SLIT1: variants seen among roughly 807,000 people sequenced by gnomAD.
SLIT1 encodes the protein slit homolog 1 protein.
A neutral mutation model predicts 186.1 loss-of-function variants in SLIT1; 66 were observed. The ratio of observed to expected loss-of-function variants is 0.35; its 90% CI spans 0.29 to 0.44. The LOEUF (loss-of-function observed/expected upper bound fraction) is 0.44, where lower values mean the gene tolerates loss of function less well. Ranked by LOEUF, SLIT1 falls within the 20% of genes least tolerant of loss-of-function variation. The pLI is 1.00. For missense variants in SLIT1, 1,638 were observed against 2,037.4 expected, an observed-to-expected ratio of 0.80 and a Z score of 3.77; for synonymous variants, 761 against 833.8, an observed-to-expected ratio of 0.91 and a Z score of 1.50.
At chr10:97,071,850 A>G (rs901225132) in intron 4 of SLIT1, among the ~76,000 whole-genome samples, 22 of 152,390 alleles carry the variant, frequency 1.4e-4, no homozygotes, top group African/African-American at 5.0e-4. Context: ...AGCCTAATCA[A>G]TAACACTAGA....
At chr10:97,162,538 G>T (rs558370434) in intron 3 of SLIT1, among the ~76,000 whole-genome samples, 11 of 152,120 alleles carry the variant, frequency 7.2e-5, no homozygotes, top group African/African-American at 2.7e-4. Context: ...GCTTGAACCC[G>T]GGAGGTGGAG....
At chr10:97,105,638 G>A (rs961767448) in intron 4 of SLIT1, among the ~76,000 whole-genome samples, 1 of 152,236 alleles carries the variant, frequency 6.6e-6, no homozygotes, top group Admixed American at 6.5e-5. Context: ...ACCGGGGTCA[G>A]AATCTAGAAG....
intron 4 of SLIT1, among the ~76,000 whole-genome samples, chr10:97,074,370 G>T (rs1188936296): frequency 2.0e-5 from 3 of 152,200 alleles, no homozygotes. Flanking sequence ...GGCCAGACAG[G>T]CTGGCTGTGC....
At chr10:97,182,980 A>C (rs1850361679) in intron 1 of SLIT1, among the ~76,000 whole-genome samples, 1 of 151,960 alleles carries the variant, frequency 6.6e-6, no homozygotes, top group African/African-American at 2.4e-5. Context: ...GGAAAAAAAA[A>C]AAAAGACGTC....
At chr10:97,111,281 C>T (rs2636778) in intron 4 of SLIT1, among the ~76,000 whole-genome samples, 94,882 of 151,868 alleles carry the variant, frequency 0.62, 30,493 homozygotes, top group Admixed American at 0.7. Context: ...ATGCTTCAGA[C>T]GCCCAGCCAA....
intron 21 of SLIT1, 99 bp from the exon 22 acceptor site, chr10:97,037,865 T>G: frequency 1.1e-6 from 1 of 915,938 alleles, no homozygotes; most frequent in Non-Finnish European, 1.7e-6. Flanking sequence ...TCGCTCTCAT[T>G]TCCTCTCCTC....
At chr10:97,014,272 G>A in intron 28 of SLIT1, 114 bp from the exon 29 acceptor site, 1 of 1,237,996 alleles carries the variant, frequency 8.1e-7, no homozygotes, top group Non-Finnish European at 1.1e-6. Flanking sequence ...TCCCGGCCAG[G>A]CCCTTGCCAG....
intron 3 of SLIT1, among the ~76,000 whole-genome samples, chr10:97,159,830 A>T (rs1850003011): frequency 6.6e-6 from 1 of 151,936 alleles, no homozygotes; most frequent in Non-Finnish European, 1.5e-5. Context: ...CACCCTCCTG[A>T]CTCTCAACAA....
chr10:97,019,389 T>G (rs1450234301), intron 26 of SLIT1, among the ~76,000 whole-genome samples: 11 of 152,172 alleles, frequency 7.2e-5, no homozygotes, highest in Non-Finnish European at 1.5e-5. Context: ...GCGGGCACTG[T>G]GCACAGTGGC....
At chr10:97,034,156 C>T (rs890989754) in intron 23 of SLIT1, among the ~76,000 whole-genome samples, 10 of 152,204 alleles carry the variant, frequency 6.6e-5, no homozygotes, top group African/African-American at 2.4e-4. Context: ...TGAGCCACTG[C>T]GCCTGGCCGA....
intron 18 of SLIT1, among the ~76,000 whole-genome samples, chr10:97,046,137 T>C (rs1275038708): frequency 1.3e-5 from 2 of 152,146 alleles, no homozygotes; most frequent in East Asian, 3.9e-4. Context: ...CTGGGGCAGA[T>C]GGAGGGGGTG....
intron 11 of SLIT1, 139 bp from the exon 12 acceptor site, chr10:97,057,420 T>C (rs1848850834): frequency 1.6e-6 from 1 of 628,102 alleles, no homozygotes; most frequent in Non-Finnish European, 2.8e-6. Context: ...ATATTTGTTA[T>C]AGCAACTTGT....
rs1183325174 is a variant in SLIT1 at position 97,184,703 on chromosome 10, T to C, written c.197+775A>G. Among the ~76,000 whole-genome samples the C allele has an allele frequency of 1.3e-5, 2 of 152,196 alleles. No individual in the cohort carries two copies. The highest frequency in any genetic ancestry group is 4.8e-5 in the African/African-American group (2 of 41,460). Reference sequence around the variant, plus strand: ...AAGAGAAATGCTATTTTTTTATTACTTGTCATGGTCAATATCTTTAACCTT... The same window carrying C: ...AAGAGAAATGCTATTTTTTTATTACCTGTCATGGTCAATATCTTTAACCTT... On this transcript the variant is annotated intron_variant, in intron 1 of 36. Coordinates refer to ENST00000266058, the MANE Select transcript of SLIT1 (RefSeq NM_003061.3). This position sits in a 1 kb window ranked among gnomAD's most constrained non-coding sequence, Gnocchi z 4.4.
chr10:97,082,725 C>T (rs190640694), intron 4 of SLIT1, among the ~76,000 whole-genome samples: 3 of 152,280 alleles, frequency 2.0e-5, no homozygotes, highest in Admixed American at 1.3e-4. Flanking sequence ...TGAGCCACCA[C>T]GCCCAGCCTC....
In SLIT1 at chr10:97,001,153, C is replaced by T. The variant is rs1462762264; in HGVS notation, c.4564G>A (p.Val1522Met). The change falls in exon 37 of 37, where the codon GTG becomes ATG. Residue 1522 changes from valine (V) to methionine (M), a missense_variant. Physicochemically the swap from Val to Met is conservative, Grantham distance 21. Around this residue, in one of 3 missense-constraint regions of SLIT1, gnomAD observed 220 missense variants for 211.3 expected, o/e 1.04. Transcript: ENST00000266058. ...CSDGTSFAEE[V>M]EKPTKCGCAL... The stretch of plus-strand genomic sequence containing the variant: ...CAGCCACACTTGGTGGGCTTTTCCA[C>T]CTCCTCGGCAAAAGAGGTCCCATCG... 2 of 1,613,222 alleles carry T rather than the reference C, an allele frequency of 1.2e-6. No individual in the cohort carries two copies. The highest frequency in any genetic ancestry group is 1.7e-5 in the Admixed American group (1 of 60,038).
intron 4 of SLIT1, chr10:97,154,690 C>T (rs1372456367): frequency 6.6e-6 from 1 of 152,218 alleles, no homozygotes; most frequent in Non-Finnish European, 1.5e-5. Context: ...GGGACCACTG[C>T]AATGAGGACA....
At chr10:97,098,356 G>A (rs1849313645) in intron 4 of SLIT1, among the ~76,000 whole-genome samples, 1 of 152,238 alleles carries the variant, frequency 6.6e-6, no homozygotes, top group African/African-American at 2.4e-5. Flanking sequence ...GTGGTAACTG[G>A]GATGAAGCCA....
At chr10:97,141,681 T>TGGATC (rs1554853326) in intron 4 of SLIT1, among the ~76,000 whole-genome samples, 31 of 140,910 alleles carry the variant, frequency 2.2e-4, no homozygotes, top group African/African-American at 8.0e-4. Flanking sequence ...TGTATCGTAT[T>TGGATC]GTATCGTATC....
At chr10:97,060,209 C>T (rs1564664847) in intron 9 of SLIT1, 51 bp from the exon 10 acceptor site, 2 of 1,475,016 alleles carry the variant, frequency 1.4e-6, no homozygotes, top group Non-Finnish European at 1.9e-6. Flanking sequence ...CAGCCCAGCC[C>T]TGGGTGTTAT....
Sources: gnomAD v4.1 joint callset for allele counts (sites outside exome capture counted in the v4.1 genomes callset) on GRCh38, gnomAD v4.1.1 for gene constraint, gnomAD v4.1.1 regional missense constraint, Gnocchi (gnomAD v3.1) non-coding constraint, MANE v1.5 for transcripts, NCBI Gene and HGNC (gene_info 2026-07-23, HGNC 2026-07-21) for gene names.